The following GLE1 variants were observed in gnomAD, a reference collection of about 807,000 sequenced individuals.
The protein encoded by GLE1 is mRNA export factor GLE1.
GLE1 carries 78 observed loss-of-function variants against 97.3 expected under a neutral mutation model. That is an observed-to-expected ratio of 0.80 (90% confidence interval 0.67 to 0.97). The LOEUF is 0.97. Among genes scored for constraint, GLE1 ranks in the 50% least tolerant of loss-of-function variants. The probability of loss-of-function intolerance (pLI) is 0.00; values close to 1 mark genes in which losing one functional copy is unlikely to be tolerated. For missense variants in GLE1, 753 were observed against 857.5 expected (o/e 0.88, Z 1.52); for synonymous variants, 302 against 313.4 (o/e 0.96, Z 0.39).
intron 3 of GLE1, among the ~76,000 whole-genome samples, chr9:128,519,716 T>G (rs894737258): frequency 3.9e-5 from 6 of 152,216 alleles, no homozygotes; most frequent in Non-Finnish European, 8.8e-5. Flanking sequence ...GATATTCTGT[T>G]ACCTTGTGAA....
chr9:128,533,303 C>T (rs1216701865), intron 9 of GLE1, among the ~76,000 whole-genome samples: 2 of 150,952 alleles, frequency 1.3e-5, no homozygotes, highest in Non-Finnish European at 3.0e-5. Context: ...TGGTGGCGGG[C>T]GTCTGTGATC....
chr9:128,539,699 G>GT lies in GLE1; in HGVS notation c.1964+2dup, dbSNP rs747476926. 2 of 1,613,488 alleles carry GT rather than the reference G, an allele frequency of 1.2e-6. No homozygotes were observed. Among genetic ancestry groups the GT allele is most frequent in the South Asian group, 1.1e-5 (1 of 91,066 alleles). The stretch of plus-strand genomic sequence containing the variant: ...TCATCAAAGAGGACTACTTTCCCAG[G>GT]TATCAGGCTTGTTGAGCAGACAGCA... On this transcript the variant is annotated splice_donor_variant, in intron 14 of 15. Transcript: ENST00000309971. LOFTEE classifies it high-confidence loss of function.
chr9:128,525,350 G>GATGCAGCAGGGACCAGAGGCCCAC lies in GLE1; in HGVS notation c.1058_1081dup (p.Met353_His360dup), dbSNP rs752674638. The GATGCAGCAGGGACCAGAGGCCCAC allele has an allele frequency of 4.3e-6, 7 of 1,613,562 alleles. No homozygotes were observed. In the African/African-American group the frequency reaches 8.0e-5, roughly 18 times the overall value. On this transcript the variant is annotated inframe_insertion, in exon 7 of 16. Coordinates refer to ENST00000309971, the MANE Select transcript of GLE1 (RefSeq NM_001003722.2). The stretch of plus-strand genomic sequence containing the variant: ...CCCAGGTAAAGCTGCAAGAGGCACA[G>GATGCAGCAGGGACCAGAGGCCCAC]ATGCAGCAGGGACCAGAGGCCCACA...
chr9:128,508,138 C>CCATT (rs1846695295), intron 1 of GLE1, among the ~76,000 whole-genome samples: 1 of 149,692 alleles, frequency 6.7e-6, no homozygotes, highest in Non-Finnish European at 1.5e-5. Flanking sequence ...CAAGATCGTG[C>CCATT]CATTGCACTC....
chr9:128,526,365 G>C (rs998488860), intron 7 of GLE1, among the ~76,000 whole-genome samples: 6 of 148,410 alleles, frequency 4.0e-5, no homozygotes, highest in African/African-American at 1.5e-4. Context: ...TTTTGTTTTT[G>C]TTTTTTTTGA....
chr9:128,519,464 T>C (rs1400242824), intron 3 of GLE1, among the ~76,000 whole-genome samples: 1 of 152,198 alleles, frequency 6.6e-6, no homozygotes, highest in Non-Finnish European at 1.5e-5. Flanking sequence ...TTTTATGGTC[T>C]GTAGACTGTA....
Position 128,522,746 on chromosome 9 carries a change from C to T in GLE1, c.511C>T (p.Arg171Trp). The T allele has an allele frequency of 6.2e-7, 1 of 1,612,200 alleles. No homozygotes were observed. The highest frequency in any genetic ancestry group is 8.5e-7 in the Non-Finnish European group (1 of 1,179,760). ...GGAGATGGCATCTGAACAACTGAAGCGGTTTGATGAATGGAAGGAACTGAA... is the reference window on the plus strand; with the variant it reads ...GGAGATGGCATCTGAACAACTGAAGTGGTTTGATGAATGGAAGGAACTGAA... ...LSEMASEQLK[R>W]FDEWKELKQH... The change falls in exon 4 of 16, where the codon CGG (arginine) becomes TGG (tryptophan). Residue 171 changes from arginine to tryptophan, a missense_variant. Coordinates refer to ENST00000309971, the MANE Select transcript of GLE1 (RefSeq NM_001003722.2).
Position 128,533,614 on chromosome 9 carries a change from G to A in GLE1, c.1414G>A (p.Gly472Arg). The A allele has an allele frequency of 6.2e-7, 1 of 1,614,068 alleles. No homozygotes were observed. Among genetic ancestry groups the A allele is most frequent in the Non-Finnish European group, 8.5e-7 (1 of 1,179,988 alleles). Reference sequence around the variant, plus strand: ...TGTGTCTGTCACACTTAACCCACAGGGGCTGGACTTTGTTCAATACAAACT... The same window carrying A: ...TGTGTCTGTCACACTTAACCCACAGAGGCTGGACTTTGTTCAATACAAACT... Reference protein sequence around the residue: ...RSVSVTLNPQGLDFVQYKLAE... With the variant: ...RSVSVTLNPQRLDFVQYKLAE... The change falls in exon 10 of 16, where the codon GGG becomes AGG. Residue 472 changes from glycine to arginine, a missense_variant. Transcript: ENST00000309971.
At chr9:128,525,722 C>T (rs754279205) in intron 7 of GLE1, among the ~76,000 whole-genome samples, 7 of 151,978 alleles carry the variant, frequency 4.6e-5, no homozygotes, top group African/African-American at 9.7e-5. Flanking sequence ...GTCAGGAGTT[C>T]GAGACCAGCC....
intron 2 of GLE1, among the ~76,000 whole-genome samples, chr9:128,510,387 C>T (rs1355455723): frequency 6.6e-6 from 1 of 151,976 alleles, no homozygotes; most frequent in African/African-American, 2.4e-5. Context: ...CACTATCACG[C>T]CCGGCTTATG....
chr9:128,518,998 TTATA>T (rs1400916239), intron 3 of GLE1, among the ~76,000 whole-genome samples: 1 of 152,220 alleles, frequency 6.6e-6, no homozygotes, highest in Non-Finnish European at 1.5e-5. Flanking sequence ...ATTAATACTT[TTATA>T]ATTTCTTATG....
intron 7 of GLE1, among the ~76,000 whole-genome samples, chr9:128,526,505 C>T (rs1364483032): frequency 1.3e-4 from 19 of 151,998 alleles, no homozygotes; most frequent in African/African-American, 4.4e-4. Context: ...TACAGGCATG[C>T]ACCACCACAC....
rs369516115 is a variant in GLE1, at chr9:128,516,520, C to T, written c.432+881C>T. On this transcript the variant is annotated intron_variant, in intron 3 of 15. Transcript: ENST00000309971. ...ATTTTTAGTGGAGACAGGGTTTTGC[C>T]GTGTTAGCCAGGACGGTCTTGATCT... Among the ~76,000 whole-genome samples the T allele has an allele frequency of 4.0e-4, 60 of 151,408 alleles. No homozygotes were observed. The East Asian group carries it at 9.5e-3, about 24-fold the overall frequency.
rs1385671584 is a variant in GLE1 at position 128,541,325 on chromosome 9, A to G, written c.*155A>G. 9.4e-6 allele frequency: 6 copies of G among 640,200 alleles called. No homozygotes were observed. The Admixed American group carries it at 1.0e-4, about 11-fold the overall frequency. 39.7% of individuals were successfully genotyped at this position (640,200 alleles called of 1,614,324 possible). A position where few individuals can be genotyped will look rare whatever the true frequency, so the allele number is the denominator to read the frequency against. On this transcript the variant is annotated 3_prime_UTR_variant, in exon 16 of 16. Coordinates refer to ENST00000309971, the MANE Select transcript of GLE1 (RefSeq NM_001003722.2). ...CTTGTGACTAGGAGAGGAGATTTTC[A>G]TGGGTCACAAAATTCTTGGAGGTCC...
At chr9:128,527,115 C>T (rs987865326) in intron 7 of GLE1, 64 bp from the exon 8 acceptor site, 10 of 854,788 alleles carry the variant, frequency 1.2e-5, no homozygotes, top group Non-Finnish European at 1.8e-5. Flanking sequence ...TATAACAGTG[C>T]CTGCCTCATA....
chr9:128,509,021 C>T lies in GLE1; in HGVS notation c.245C>T (p.Pro82Leu). ...SSTSASALDQ[P>L]SFVPKSPDAS... ...ACGTCAGCTTCAGCCCTAGATCAAC[C>T]CTCATTTGTTCCCAAATCTCCTGAC... is the stretch of plus-strand genomic sequence containing the variant. The change falls in exon 2 of 16, where the codon CCC becomes CTC. Residue 82 changes from proline to leucine, a missense_variant. Physicochemically the swap from Pro to Leu is moderately conservative, Grantham distance 98 (BLOSUM62 -3). Transcript: ENST00000309971. The T allele has an allele frequency of 1.2e-6, 2 of 1,613,716 alleles. No individual in the cohort carries two copies. Among genetic ancestry groups the T allele is most frequent in the Middle Eastern group, 1.6e-4 (1 of 6,062 alleles).
chr9:128,522,363 T>G (rs1470508201), intron 3 of GLE1, among the ~76,000 whole-genome samples: 1 of 152,010 alleles, frequency 6.6e-6, no homozygotes, highest in African/African-American at 2.4e-5. Context: ...AGAGCAGGTG[T>G]TAAACATTTT....
chr9:128,506,387 T>A (rs1374881893), intron 1 of GLE1, among the ~76,000 whole-genome samples: 1 of 152,234 alleles, frequency 6.6e-6, no homozygotes, highest in Admixed American at 6.5e-5. Flanking sequence ...AACAATTATG[T>A]ATTCATAAGA....
At chr9:128,519,043 T>C (rs892729056) in intron 3 of GLE1, among the ~76,000 whole-genome samples, 2 of 152,154 alleles carry the variant, frequency 1.3e-5, no homozygotes, top group African/African-American at 4.8e-5. Flanking sequence ...TAAACATAAA[T>C]TGTAAAGATT....
Sources: gnomAD v4.1 joint callset for allele counts (sites outside exome capture counted in the v4.1 genomes callset) on GRCh38, gnomAD v4.1.1 for gene constraint, MANE v1.5 for transcripts, NCBI Gene and HGNC (gene_info 2026-07-23, HGNC 2026-07-21) for gene names.